Variants in SMCHD1 observed in about 807,000 individuals in gnomAD.
SMCHD1 encodes the protein structural maintenance of chromosomes flexible hinge domain containing 1.
In SMCHD1, 78 loss-of-function variants were observed where a neutral mutation model predicts 254.7. That is an observed-to-expected ratio of 0.31 (90% CI 0.26 to 0.37). SMCHD1 has a LOEUF of 0.37. Among genes scored for constraint, SMCHD1 ranks in the 10% least tolerant of loss-of-function variants. The pLI is 1.00. For missense variants in SMCHD1, 1,840 were observed against 2,408.1 expected (o/e 0.76, Z 4.94); for synonymous variants, 766 against 794.9 (o/e 0.96, Z 0.61).
rs2074250251 is a variant in SMCHD1, at chr18:2,694,705, T to C, written c.1040+12T>C. On this transcript the variant is annotated intron_variant, in intron 8 of 47. Coordinates refer to ENST00000320876, the MANE Select transcript of SMCHD1 (RefSeq NM_015295.3). ...ACACGACAGTTAGCGTAAGTAATTA[T>C]ATTTGGCTTAGGAAATGTTGCTACT... 1 of 1,606,720 alleles carries C rather than the reference T, an allele frequency of 6.2e-7. No homozygotes were observed. Among genetic ancestry groups the C allele is most frequent in the African/African-American group, 1.3e-5 (1 of 74,496 alleles).
rs1432652957 is a variant in SMCHD1 at position 2,763,641 on chromosome 18, A to G, written c.4571A>G (p.Asp1524Gly). The G allele has an allele frequency of 1.9e-6, 3 of 1,561,272 alleles. No homozygotes were observed. The highest frequency in any genetic ancestry group is 2.6e-6 in the Non-Finnish European group (3 of 1,161,276). Residue 1524 changes from aspartate to glycine, a missense_variant, in exon 37 of 48, where the codon GAC becomes GGC. Physicochemically the swap from Asp to Gly is moderately conservative, Grantham distance 94 (BLOSUM62 -1). Around this residue, in one of 9 missense-constraint regions of SMCHD1, gnomAD observed 881 missense variants for 1,009.5 expected, o/e 0.87. Coordinates refer to ENST00000320876, the MANE Select transcript of SMCHD1 (RefSeq NM_015295.3). ...VRDLHLSITD[D>G]YDNHTGIDLV... The stretch of plus-strand genomic sequence containing the variant: ...TTTTCCATTTTTTGTTTTAAGGATG[A>G]CTACGACAACCATACTGGAATTGAT...
At chr18:2,786,253 G>C (rs912548367) in intron 45 of SMCHD1, among the ~76,000 whole-genome samples, 1 of 152,158 alleles carries the variant, frequency 6.6e-6, no homozygotes, top group Non-Finnish European at 1.5e-5. Context: ...GCCTCCCAAA[G>C]TGCTGGAATT....
At chr18:2,752,434 A>G (rs1000052058) in intron 33 of SMCHD1, 54 bp from the exon 34 acceptor site, 24 of 1,118,290 alleles carry the variant, frequency 2.1e-5, no homozygotes, top group Non-Finnish European at 3.0e-5. Flanking sequence ...TAAGTATACT[A>G]TGTTAAATTT....
At chr18:2,794,198 T>C (rs566197746) in intron 45 of SMCHD1, among the ~76,000 whole-genome samples, 1 of 152,304 alleles carries the variant, frequency 6.6e-6, no homozygotes, top group East Asian at 1.9e-4. Context: ...CTCACTCCTG[T>C]AATCCCAGCA....
At chr18:2,763,541 G>T (rs2075820642) in intron 36 of SMCHD1, 96 bp from the exon 37 acceptor site, 7 of 975,104 alleles carry the variant, frequency 7.2e-6, no homozygotes, top group Non-Finnish European at 1.0e-5. Context: ...ATTTAATGTT[G>T]GGGGCTCTCT....
intron 45 of SMCHD1, among the ~76,000 whole-genome samples, chr18:2,788,025 C>T (rs2076266321): frequency 6.6e-6 from 1 of 152,118 alleles, no homozygotes; most frequent in Admixed American, 6.5e-5. Flanking sequence ...GAGAGAAATG[C>T]CCACCACCTT....
chr18:2,666,303 T>G, intron 2 of SMCHD1, 71 bp downstream of exon 2: 2 of 692,850 alleles, frequency 2.9e-6, no homozygotes, highest in Non-Finnish European at 2.4e-6. Context: ...AGCAATAACT[T>G]TTATTAGATA....
rs983495031 is a variant in SMCHD1, at chr18:2,672,060, C to T, written c.425-1221C>T. Reference sequence around the variant, plus strand: ...ATTTCTCTTTAGGTTTCTTTTCCTGCCATTTCCTACAGTGTCCCTTCTTCA... The same window carrying T: ...ATTTCTCTTTAGGTTTCTTTTCCTGTCATTTCCTACAGTGTCCCTTCTTCA... On this transcript the variant is annotated intron_variant, in intron 3 of 47. Transcript: ENST00000320876. 2.0e-5 allele frequency among the ~76,000 whole-genome samples: 3 copies of T among 152,090 alleles called. No individual in the cohort carries two copies. The East Asian group carries it at 5.8e-4, about 29-fold the overall frequency.
chr18:2,655,783 A>C lies in SMCHD1; in HGVS notation c.-293A>C. The C allele has an allele frequency of 1.2e-5, 3 of 257,546 alleles. No individual in the cohort carries two copies. The highest frequency in any genetic ancestry group is 1.5e-5 in the Non-Finnish European group (2 of 136,942). 16.0% of individuals were successfully genotyped at this position (257,546 alleles called of 1,614,324 possible). ...CACCGTGAGGCTCGCGTGGGCGGCG[A>C]TAGGCGCTGGGCCCGGGCCCGGTGA... On this transcript the variant is annotated 5_prime_UTR_variant, in exon 1 of 48. Coordinates refer to ENST00000320876, the MANE Select transcript of SMCHD1 (RefSeq NM_015295.3).
intron 47 of SMCHD1, chr18:2,800,954 G>T (rs750205940): frequency 4.6e-5 from 7 of 152,084 alleles, no homozygotes; most frequent in Non-Finnish European, 8.8e-5. Flanking sequence ...TTACTATGTA[G>T]CAGAAAGGAG....
intron 27 of SMCHD1, among the ~76,000 whole-genome samples, chr18:2,739,752 T>A (rs2075313610): frequency 1.3e-5 from 2 of 152,106 alleles, no homozygotes; most frequent in African/African-American, 4.8e-5. Context: ...AATCTTGTCT[T>A]TTGTTAGAAG....
chr18:2,715,550 CAT>C (rs900487175), intron 17 of SMCHD1, among the ~76,000 whole-genome samples: 4 of 151,198 alleles, frequency 2.6e-5, no homozygotes, highest in African/African-American at 9.7e-5. Context: ...TCCTGTATCT[CAT>C]AGAGCTTCTT....
chr18:2,741,721 G>A (rs917468782), intron 28 of SMCHD1, among the ~76,000 whole-genome samples: 1 of 152,026 alleles, frequency 6.6e-6, no homozygotes, highest in East Asian at 1.9e-4. Flanking sequence ...AAATAAATGC[G>A]CTCCTGTTAT....
intron 47 of SMCHD1, among the ~76,000 whole-genome samples, chr18:2,799,871 AGTTAC>A: frequency 6.6e-6 from 1 of 151,724 alleles, no homozygotes; most frequent in Non-Finnish European, 1.5e-5. Context: ...GGTCTTCCTT[AGTTAC>A]TCTCTTGGAT....
At chr18:2,704,847 G>A (rs2074479891) in intron 13 of SMCHD1, among the ~76,000 whole-genome samples, 1 of 152,048 alleles carries the variant, frequency 6.6e-6, no homozygotes, top group African/African-American at 2.4e-5. Context: ...AGCTAAAGAG[G>A]TAAAAGGATT....
rs749634060 is a variant in SMCHD1 at position 2,763,679 on chromosome 18, A to G, written c.4609A>G (p.Ile1537Val). ...TACTGGAATTGATTTGGTTGGCACT[A>G]TAATAGCCACCATTAAAGGCTCTAA... Reference protein sequence around the residue: ...NHTGIDLVGTIIATIKGSNEE... With the variant: ...NHTGIDLVGTVIATIKGSNEE... Residue 1537 changes from isoleucine to valine, a missense_variant, in exon 37 of 48, where the codon ATA (isoleucine) becomes GTA (valine). By Grantham distance (29) the Ile-to-Val change is conservative (BLOSUM62 3). Transcript: ENST00000320876. 36 of 1,602,646 alleles carry G rather than the reference A, an allele frequency of 2.2e-5. No individual in the cohort carries two copies. Among genetic ancestry groups the G allele is most frequent in the South Asian group, 2.0e-4 (18 of 89,336 alleles).
At chr18:2,761,404 T>G (rs938121613) in intron 35 of SMCHD1, among the ~76,000 whole-genome samples, 1 of 152,202 alleles carries the variant, frequency 6.6e-6, no homozygotes, top group Non-Finnish European at 1.5e-5. Flanking sequence ...ATACACCCCC[T>G]GAATCTAAGA....
At chr18:2,661,938 T>C (rs1013630689) in intron 1 of SMCHD1, among the ~76,000 whole-genome samples, 33 of 147,714 alleles carry the variant, frequency 2.2e-4, no homozygotes, top group African/African-American at 8.1e-4. Flanking sequence ...GGGTGGATCA[T>C]GAGGTCAGGA....
chr18:2,724,103 A>C (rs920281649), intron 20 of SMCHD1, among the ~76,000 whole-genome samples: 2 of 149,118 alleles, frequency 1.3e-5, no homozygotes, highest in African/African-American at 5.0e-5. Context: ...TATATGTTTA[A>C]TGTGCCATCT....
Sources: gnomAD v4.1 joint callset for allele counts (sites outside exome capture counted in the v4.1 genomes callset) on GRCh38, gnomAD v4.1.1 for gene constraint, gnomAD v4.1.1 regional missense constraint, MANE v1.5 for transcripts, NCBI Gene and HGNC (gene_info 2026-07-23, HGNC 2026-07-21) for gene names.